Variants in CEMIP observed in about 807,000 individuals in gnomAD.
CEMIP encodes the protein cell migration inducing hyaluronidase 1.
CEMIP carries 105 observed loss-of-function variants against 156.9 expected under a neutral mutation model. That is an observed-to-expected ratio of 0.67 (90% CI 0.57 to 0.79). The LOEUF (loss-of-function observed/expected upper bound fraction) is 0.79. CEMIP is among the 30% of genes least tolerant of loss of function. The pLI, the probability that CEMIP is intolerant of heterozygous loss-of-function variation, is 0.00. For missense variants in CEMIP, 1,457 were observed against 1,769.4 expected, an observed-to-expected ratio of 0.82 and a Z score of 3.17; for synonymous variants, 676 against 668.4, an observed-to-expected ratio of 1.01 and a Z score of -0.17.
At chr15:80,942,922 C>A (rs1182136656) in intron 27 of CEMIP, 23 bp from the exon 28 acceptor site, 1 of 1,614,224 alleles carries the variant, frequency 6.2e-7, no homozygotes, top group South Asian at 1.1e-5. Context: ...CTGCCTCACA[C>A]CTGGATTGCT....
intron 1 of CEMIP, among the ~76,000 whole-genome samples, chr15:80,859,001 C>T (rs1897920803): frequency 2.0e-5 from 3 of 152,210 alleles, no homozygotes; most frequent in Admixed American, 2.0e-4. Flanking sequence ...AATATAGAGG[C>T]AAGGGTGGCC....
chr15:80,863,037 T>C (rs1898026983), intron 1 of CEMIP, among the ~76,000 whole-genome samples: 1 of 152,100 alleles, frequency 6.6e-6, no homozygotes, highest in South Asian at 2.1e-4. Flanking sequence ...CTCCAAACTG[T>C]AGGAGGGGCA....
chr15:80,819,285 T>G (rs146487024), intron 1 of CEMIP, among the ~76,000 whole-genome samples: 3 of 152,202 alleles, frequency 2.0e-5, no homozygotes, highest in Non-Finnish European at 4.4e-5. Flanking sequence ...CAGGAAGCCA[T>G]GGAGAGGCAC....
At chr15:80,854,684 A>T (rs1184681781) in intron 1 of CEMIP, among the ~76,000 whole-genome samples, 1 of 152,162 alleles carries the variant, frequency 6.6e-6, no homozygotes, top group African/African-American at 2.4e-5. Context: ...TCCTCTCGAA[A>T]CCTCAATTAG....
chr15:80,833,658 C>T (rs1252169844), intron 1 of CEMIP, among the ~76,000 whole-genome samples: 1 of 149,286 alleles, frequency 6.7e-6, no homozygotes, highest in Non-Finnish European at 1.5e-5. Flanking sequence ...AGCAGCAGTA[C>T]TGTCTTTTTT....
In CEMIP at chr15:80,939,440, T is replaced by C. The variant is rs972294830; in HGVS notation, c.3407+1461T>C. 1.4e-4 allele frequency among the ~76,000 whole-genome samples: 21 copies of C among 152,304 alleles called. No individual in the cohort carries two copies. The Middle Eastern group carries it at 0.01, about 74-fold the overall frequency. On this transcript the variant is annotated intron_variant, in intron 25 of 29. Transcript: ENST00000394685. ...GAGTGAGATATGCCCCACATACCAC[T>C]AGGAAATATTATGATTAAAGTAACA...
rs548138663 is a variant in CEMIP, at chr15:80,934,024, T to C, written c.3009+564T>C. ...GAAAATCATTAAAAACACTTCTTGT[T>C]TTTTTTCTAAGTCTTCAAAGTCTAC... is the stretch of plus-strand genomic sequence containing the variant. On this transcript the variant is annotated intron_variant, in intron 23 of 29. Coordinates refer to ENST00000394685, the MANE Select transcript of CEMIP (RefSeq NM_001293298.2). Among the ~76,000 whole-genome samples the C allele has an allele frequency of 2.0e-5, 3 of 151,836 alleles. No homozygotes were observed. The South Asian group carries it at 6.2e-4, about 31-fold the overall frequency.
chr15:80,900,826 C>T (rs1045696660), intron 12 of CEMIP: 4 of 382,920 alleles, frequency 1.0e-5, no homozygotes, highest in South Asian at 1.9e-5. Context: ...CCCCACCCAC[C>T]CACCTAGGGA....
At chr15:80,869,630 G>C (rs1395925) in intron 1 of CEMIP, among the ~76,000 whole-genome samples, 1 of 152,160 alleles carries the variant, frequency 6.6e-6, no homozygotes, top group Non-Finnish European at 1.5e-5. Flanking sequence ...TGGGAGTATA[G>C]TTCCTTGTGT....
chr15:80,892,165 T>C (rs530752050), intron 10 of CEMIP, among the ~76,000 whole-genome samples: 2 of 152,138 alleles, frequency 1.3e-5, no homozygotes, highest in South Asian at 2.1e-4. Flanking sequence ...CTCCGTGTCA[T>C]ACACAGTGGG....
At chr15:80,860,006 C>T (rs933498300) in intron 1 of CEMIP, among the ~76,000 whole-genome samples, 6 of 152,142 alleles carry the variant, frequency 3.9e-5, no homozygotes, top group African/African-American at 1.4e-4. Flanking sequence ...CTGTCTCCCA[C>T]TCATACACAG....
intron 13 of CEMIP, 104 bp from the exon 14 acceptor site, chr15:80,908,993 A>G (rs1445269974): frequency 1.9e-6 from 2 of 1,057,102 alleles, no homozygotes; most frequent in Non-Finnish European, 2.9e-6. Flanking sequence ...CTAAGTGGAG[A>G]CTGACAAAGA....
chr15:80,799,272 G>C (rs1332400984), intron 1 of CEMIP, among the ~76,000 whole-genome samples: 1 of 152,224 alleles, frequency 6.6e-6, no homozygotes, highest in African/African-American at 2.4e-5. Context: ...ACAATGGGCT[G>C]CCAGCCGCCT....
At chr15:80,926,374 G>C (rs1239501984) in intron 19 of CEMIP, among the ~76,000 whole-genome samples, 1 of 152,184 alleles carries the variant, frequency 6.6e-6, no homozygotes, top group Non-Finnish European at 1.5e-5. Context: ...GCTGGGATTT[G>C]TTTTCAGGGA....
chr15:80,805,834 GT>G (rs769816745), intron 1 of CEMIP, among the ~76,000 whole-genome samples: 10 of 152,136 alleles, frequency 6.6e-5, no homozygotes, highest in Non-Finnish European at 1.3e-4. Context: ...CATTTCACTT[GT>G]TTTGGTCTCA....
In CEMIP at chr15:80,906,811, C is replaced by T; in HGVS notation, c.1560C>T (p.Asp520=). The change falls in exon 13 of 30, where the codon GAC becomes GAT. Residue 520 remains aspartate (D), a synonymous_variant. Transcript: ENST00000394685. The surrounding 1 kb of genome is among the most constrained non-coding windows in gnomAD (Gnocchi z 4.3). ...PYRNHICNFF[D]FDTFGGHIKF... ...GAAACCACATCTGCAATTTCTTTGA[C>T]TTCGATACCTTTGGGGGCCACATCA... The T allele has an allele frequency of 6.2e-7, 1 of 1,613,980 alleles. No individual in the cohort carries two copies. Among genetic ancestry groups the T allele is most frequent in the Non-Finnish European group, 8.5e-7 (1 of 1,179,958 alleles).
intron 7 of CEMIP, among the ~76,000 whole-genome samples, chr15:80,885,942 A>G (rs1898822255): frequency 6.6e-6 from 1 of 152,248 alleles, no homozygotes. Flanking sequence ...TCATTTGTAT[A>G]GAGACATTCT....
At chr15:80,903,088 T>C (rs902644556) in intron 12 of CEMIP, 6 of 152,162 alleles carry the variant, frequency 3.9e-5, no homozygotes, top group Non-Finnish European at 8.8e-5. Flanking sequence ...CCCCATCACA[T>C]TATCTTACCT....
At chr15:80,847,491 C>T (rs1022704063) in intron 1 of CEMIP, among the ~76,000 whole-genome samples, 9 of 152,192 alleles carry the variant, frequency 5.9e-5, no homozygotes, top group Non-Finnish European at 1.2e-4. Flanking sequence ...GCTCTAGCAG[C>T]GACTCAGGAC....
Sources: allele counts gnomAD v4.1 joint callset (sites outside exome capture counted in the v4.1 genomes callset), GRCh38; gene constraint gnomAD v4.1.1; non-coding constraint Gnocchi (gnomAD v3.1); transcripts MANE v1.5; gene names NCBI Gene and HGNC (gene_info 2026-07-23, HGNC 2026-07-21).